The following ATP10B variants were observed in gnomAD, a reference collection of about 807,000 sequenced individuals.
ATP10B encodes ATPase phospholipid transporting 10B (putative), also known as phospholipid-transporting ATPase VB.
A neutral mutation model predicts 141.2 loss-of-function variants in ATP10B; 122 were observed. The ratio of observed to expected loss-of-function variants is 0.86; its 90% confidence interval spans 0.75 to 1.00. The LOEUF (loss-of-function observed/expected upper bound fraction) is 1.00, where lower values mean the gene tolerates loss of function less well. Ranked by LOEUF, ATP10B falls within the 50% of genes least tolerant of loss-of-function variation. ATP10B has a pLI of 0.00. For missense variants in ATP10B, 1,876 were observed against 1,825.3 expected (o/e 1.03, Z -0.51); for synonymous variants, 685 against 692.0 (o/e 0.99, Z 0.16).
chr5:160,646,215 T>C (rs113276147), intron 8 of ATP10B, among the ~76,000 whole-genome samples: 6 of 152,178 alleles, frequency 3.9e-5, no homozygotes, highest in African/African-American at 1.4e-4. Context: ...TTAGGGTACC[T>C]AAAGTACTAC....
At chr5:160,872,045 C>T in the ATP10B span, among the ~76,000 whole-genome samples, 16 of 152,034 alleles carry the variant, frequency 1.1e-4, no homozygotes, top group African/African-American at 3.9e-4. Flanking sequence ...TCTACATCTG[C>T]ACCAATATCT....
chr5:160,647,169 G>A (rs1328132843), intron 8 of ATP10B, among the ~76,000 whole-genome samples: 1 of 152,044 alleles, frequency 6.6e-6, no homozygotes, highest in Non-Finnish European at 1.5e-5. Context: ...ATTGAAAGCT[G>A]TTGATCTTCT....
chr5:160,912,695 AAAAAG>A, the ATP10B span, among the ~76,000 whole-genome samples: 3 of 152,062 alleles, frequency 2.0e-5, no homozygotes, highest in African/African-American at 7.2e-5. Flanking sequence ...AGAAAAAAGA[AAAAAG>A]AAAAGAGAAA....
At chr5:160,715,939 G>A (rs1406159464) in intron 3 of ATP10B, among the ~76,000 whole-genome samples, 1 of 152,028 alleles carries the variant, frequency 6.6e-6, no homozygotes, top group Non-Finnish European at 1.5e-5. Flanking sequence ...TTGAACTCCT[G>A]ACCTCGTGAT....
At chr5:160,920,802 A>G in the ATP10B span, among the ~76,000 whole-genome samples, 1 of 152,282 alleles carries the variant, frequency 6.6e-6, no homozygotes, top group South Asian at 2.1e-4. Context: ...CCTTGGTGGG[A>G]CTTGAGATTC....
chr5:160,860,194 G>C, the ATP10B span, among the ~76,000 whole-genome samples: 1 of 151,738 alleles, frequency 6.6e-6, no homozygotes, highest in African/African-American at 2.4e-5. Context: ...GCCAACTCTT[G>C]ATTACTGGGA....
At chr5:160,881,183 ATGTT>A in the ATP10B span, among the ~76,000 whole-genome samples, 3 of 152,210 alleles carry the variant, frequency 2.0e-5, no homozygotes, top group Non-Finnish European at 2.9e-5. Context: ...ATATGAAAAA[ATGTT>A]TATTTTTTCA....
At chr5:160,716,868 A>AG (rs1765694526) in intron 3 of ATP10B, 41 bp downstream of exon 3, 1 of 979,980 alleles carries the variant, frequency 1.0e-6, no homozygotes, top group African/African-American at 1.7e-5. Context: ...TGTTCCACAT[A>AG]GGAAAAGGAA....
intron 3 of ATP10B, among the ~76,000 whole-genome samples, chr5:160,690,676 G>C (rs1178049860): frequency 6.6e-6 from 1 of 152,196 alleles, no homozygotes; most frequent in Non-Finnish European, 1.5e-5. Context: ...AAGCCAGTTA[G>C]AATGGTGATC....
chr5:160,775,676 A>ATTTTTTTTTTT (rs10642787), intron 2 of ATP10B, among the ~76,000 whole-genome samples: 1 of 116,822 alleles, frequency 8.6e-6, no homozygotes, highest in Non-Finnish European at 1.7e-5. Flanking sequence ...CAAGTTTCAG[A>ATTTTTTTTTTT]TTTTTTTTTT....
rs1379478483 is a variant in ATP10B, at chr5:160,565,845, G to A, written c.3994C>T (p.Gln1332Ter). The part of the protein sequence containing the change: ...TCGKSLISKA[Q>*]KIDKLPPDKR... ...TCTGGGGGGAGTTTGTCAATTTTCT[G>A]AGCTTTTGAGATTAGAGACTTCCCA... is the stretch of plus-strand genomic sequence containing the variant. The change falls in exon 26 of 26, where the codon CAG becomes TAG. Residue 1332 changes from glutamine (Q) to a stop codon, truncating the protein, a stop_gained. Transcript: ENST00000327245. LOFTEE classifies it low-confidence loss of function (END_TRUNC). 6.2e-7 allele frequency: 1 copy of A among 1,613,768 alleles called. No individual in the cohort carries two copies. The highest frequency in any genetic ancestry group is 1.7e-5 in the Admixed American group (1 of 59,960).
At chr5:160,655,330 T>A (rs1761413194) in intron 7 of ATP10B, among the ~76,000 whole-genome samples, 1 of 151,918 alleles carries the variant, frequency 6.6e-6, no homozygotes, top group African/African-American at 2.4e-5. Context: ...CTCACTCTAA[T>A]CCCCATAGAA....
At chr5:160,575,599 G>T (rs1164155045) in intron 24 of ATP10B, among the ~76,000 whole-genome samples, 2 of 151,788 alleles carry the variant, frequency 1.3e-5, no homozygotes, top group Non-Finnish European at 2.9e-5. Flanking sequence ...ATTAAATGAT[G>T]ATTAAAATCC....
intron 6 of ATP10B, among the ~76,000 whole-genome samples, chr5:160,672,548 C>T (rs2421534): frequency 0.66 from 100,415 of 152,004 alleles, 33,873 homozygotes; most frequent in Middle Eastern, 0.78. Context: ...GGAAATGTCC[C>T]GCTTTAAGTG....
intron 2 of ATP10B, among the ~76,000 whole-genome samples, chr5:160,774,028 T>C (rs531491444): frequency 6.6e-6 from 1 of 152,338 alleles, no homozygotes; most frequent in African/African-American, 2.4e-5. Context: ...TGTTTATTCA[T>C]ATACAGACTC....
chr5:160,652,943 A>ATATAATATATTATATATACATG (rs1760964922), intron 7 of ATP10B, among the ~76,000 whole-genome samples: 1 of 82,890 alleles, frequency 1.2e-5, no homozygotes, highest in Non-Finnish European at 2.1e-5. Context: ...ATACATGTAT[A>ATATAATATATTATATATACATG]TATAATATAT....
At position 160,723,641 on chromosome 5, in the gene ATP10B, C is replaced by T. The variant is rs1766125560; in HGVS notation, c.-330-6607G>A. The stretch of plus-strand genomic sequence containing the variant: ...CTTATTTCTCTCTCTCCCCTTCATT[C>T]TCTCTCGCTCTCTTTTCCTGTATCT... On this transcript the variant is annotated intron_variant, in intron 2 of 25. Coordinates refer to ENST00000327245, the MANE Select transcript of ATP10B (RefSeq NM_025153.3). Among the ~76,000 whole-genome samples, 4 of 152,120 alleles carry T rather than the reference C, an allele frequency of 2.6e-5. No individual in the cohort carries two copies. In the South Asian group the frequency reaches 8.3e-4, roughly 32 times the overall value.
At chr5:160,660,643 T>G (rs1761843733) in intron 7 of ATP10B, among the ~76,000 whole-genome samples, 2 of 152,326 alleles carry the variant, frequency 1.3e-5, no homozygotes, top group South Asian at 4.2e-4. Flanking sequence ...GTTTTTCAAA[T>G]TCCATTGAAG....
intron 23 of ATP10B, among the ~76,000 whole-genome samples, chr5:160,590,570 C>G (rs540517814): frequency 6.6e-6 from 1 of 150,936 alleles, no homozygotes; most frequent in East Asian, 1.9e-4. Flanking sequence ...TACTTTTTTT[C>G]AGATAATGTA....
Sources: gnomAD v4.1 joint callset for allele counts (sites outside exome capture counted in the v4.1 genomes callset) on GRCh38, gnomAD v4.1.1 for gene constraint, MANE v1.5 for transcripts, NCBI Gene and HGNC (gene_info 2026-07-23, HGNC 2026-07-21) for gene names.